The following BPHL variants were observed in gnomAD, a reference collection of about 807,000 sequenced individuals.
The protein encoded by BPHL is serine hydrolase BPHL.
Under a neutral mutation model 31.2 loss-of-function variants are expected in BPHL, and 27 were observed. The observed-to-expected ratio is 0.87, with a 90% CI of 0.64 to 1.19. The LOEUF is 1.19. BPHL is among the 50% of genes most tolerant of loss of function. The pLI, the probability that BPHL is intolerant of heterozygous loss-of-function variation, is 0.00. For missense variants in BPHL, 356 were observed against 375.7 expected, an observed-to-expected ratio of 0.95 and a Z score of 0.43; for synonymous variants, 150 against 146.8, an observed-to-expected ratio of 1.02 and a Z score of -0.16.
In BPHL at chr6:3,123,771, T is replaced by C. The variant is rs1761641576; in HGVS notation, c.211+11T>C. On this transcript the variant is annotated intron_variant, in intron 2 of 6. Coordinates refer to ENST00000380379, the MANE Select transcript of BPHL (RefSeq NM_004332.4). ...TTCCTGGGATGTTAGGTCTGGGTAC[T>C]TTTTAATGGAATGTTTTTGCATGCT... 1.9e-6 allele frequency: 3 copies of C among 1,600,622 alleles called. No individual in the cohort carries two copies. In the East Asian group the frequency reaches 6.7e-5, roughly 36 times the overall value.
chr6:3,123,808 GATGCATTCACA>G, intron 2 of BPHL, 48 bp downstream of exon 2: 1 of 1,481,388 alleles, frequency 6.8e-7, no homozygotes, highest in East Asian at 2.3e-5. Flanking sequence ...TAAAATCTAT[GATGCATTCACA>G]ATACTAGATG....
At chr6:3,118,878 C>G (rs1761469228) in intron 1 of BPHL, 31 bp downstream of exon 1, 2 of 1,231,564 alleles carry the variant, frequency 1.6e-6, no homozygotes, top group East Asian at 3.2e-5. Context: ...CCGGGGATCC[C>G]CAGCATCGGC....
intron 6 of BPHL, among the ~76,000 whole-genome samples, chr6:3,143,399 C>G (rs950239866): frequency 3.3e-5 from 5 of 152,200 alleles, no homozygotes; most frequent in Non-Finnish European, 7.3e-5. Context: ...GTTAATTTGT[C>G]TCTTTCTCTC....
chr6:3,123,605 A>G (rs1761632158), intron 1 of BPHL, 52 bp from the exon 2 acceptor site: 1 of 1,518,814 alleles, frequency 6.6e-7, no homozygotes, highest in South Asian at 1.2e-5. Flanking sequence ...TCAACTAAGA[A>G]ATCTTCCCAT....
In BPHL at chr6:3,152,684, C is replaced by T. The variant is rs1762558687; in HGVS notation, c.*109C>T. The T allele has an allele frequency of 1.1e-6, 1 of 943,464 alleles. No individual in the cohort carries two copies. The highest frequency in any genetic ancestry group is 1.6e-6 in the Non-Finnish European group (1 of 618,330). 58.4% of individuals were successfully genotyped at this position (943,464 alleles called of 1,614,324 possible). On this transcript the variant is annotated 3_prime_UTR_variant, in exon 7 of 7. Transcript: ENST00000380379. ...CCGCCTTTGAAACTTTCTACCCCTC[C>T]CTTCAATCTTATCCTAACCAAATGA...
At position 3,149,527 on chromosome 6, in the gene BPHL, C is replaced by T. The variant is rs1342220629; in HGVS notation, c.789-2961C>T. 6.6e-6 allele frequency among the ~76,000 whole-genome samples: 1 copy of T among 152,164 alleles called. No individual in the cohort carries two copies. Among genetic ancestry groups the T allele is most frequent in the African/African-American group, 2.4e-5 (1 of 41,418 alleles). ...TCAGTGAGCTGTCGCCCCCACCATC[C>T]CCAAATGCCTGGTCAGCCCTAACCA... On this transcript the variant is annotated intron_variant, in intron 6 of 6. Transcript: ENST00000380379. This position sits in a 1 kb window ranked among gnomAD's most constrained non-coding sequence, Gnocchi z 4.6.
At chr6:3,127,017 C>T (rs1249995086) in intron 2 of BPHL, 2 of 357,410 alleles carry the variant, frequency 5.6e-6, no homozygotes, top group Non-Finnish European at 1.0e-5. Flanking sequence ...GCAGTCCGCC[C>T]GCCTCGGCCT....
At chr6:3,127,508 C>A in intron 3 of BPHL, 100 bp downstream of exon 3, 4 of 1,041,768 alleles carry the variant, frequency 3.8e-6, no homozygotes, top group South Asian at 2.8e-5. Context: ...CAAAATAATA[C>A]CATGTGATTG....
intron 4 of BPHL, 121 bp downstream of exon 4, chr6:3,129,319 A>G (rs1761805205): frequency 3.2e-6 from 4 of 1,268,010 alleles, no homozygotes; most frequent in South Asian, 1.8e-5. Flanking sequence ...CTCAACTCTC[A>G]GGTAGGAAGA....
At position 3,120,913 on chromosome 6, in the gene BPHL, T is replaced by G. The variant is rs570199853; in HGVS notation, c.107+2066T>G. On this transcript the variant is annotated intron_variant, in intron 1 of 6. Transcript: ENST00000380379. ...GAGTGTGGCCCCGGTGCCTGAGCCC[T>G]CTTAGGACTCTGTTCAGCCATGAGG... Among the ~76,000 whole-genome samples the G allele has an allele frequency of 1.1e-4, 17 of 152,288 alleles. No homozygotes were observed. The South Asian group carries it at 3.5e-3, about 32-fold the overall frequency.
chr6:3,135,868 A>G (rs772753949), intron 4 of BPHL, among the ~76,000 whole-genome samples: 1 of 152,192 alleles, frequency 6.6e-6, no homozygotes, highest in Non-Finnish European at 1.5e-5. Flanking sequence ...GAAGATTTGC[A>G]TTTGTTGCTC....
At chr6:3,119,664 A>G in intron 1 of BPHL, 2 of 1,091,988 alleles carry the variant, frequency 1.8e-6, no homozygotes, top group Non-Finnish European at 2.7e-6. Flanking sequence ...ACACACATGC[A>G]AACACACGTA....
intron 4 of BPHL, among the ~76,000 whole-genome samples, chr6:3,132,134 A>ATC (rs1027352806): frequency 5.9e-5 from 9 of 151,916 alleles, no homozygotes; most frequent in Non-Finnish European, 7.4e-5. Context: ...TTTCTTTTTC[A>ATC]TCCCCCATCC....
Position 3,118,803 on chromosome 6 carries a change from G to T in BPHL, c.63G>T (p.Lys21Asn). ...TGCGGCTGCTTCTCTCAGCGCTGAA[G>T]CCCGGGATCCACGTCCCACGGGCCG... ...LRLRLLLSAL[K>N]PGIHVPRAGP... Residue 21 changes from lysine (K) to asparagine (N), a missense_variant, in exon 1 of 7, where the codon AAG (lysine) becomes AAT (asparagine). Physicochemically the swap from Lys to Asn is moderately conservative, Grantham distance 94. Coordinates refer to ENST00000380379, the MANE Select transcript of BPHL (RefSeq NM_004332.4). 8.0e-7 allele frequency: 1 copy of T among 1,246,012 alleles called. No homozygotes were observed. 77.2% of individuals were successfully genotyped at this position (1,246,012 alleles called of 1,614,324 possible). A position where few individuals can be genotyped will look rare whatever the true frequency, so the allele number is the denominator to read the frequency against.
chr6:3,136,631 G>A (rs1490780450), intron 4 of BPHL, among the ~76,000 whole-genome samples: 1 of 152,196 alleles, frequency 6.6e-6, no homozygotes, highest in African/African-American at 2.4e-5. Context: ...TGCCATTAGT[G>A]TTATATTTCT....
chr6:3,119,485 T>C, intron 1 of BPHL: 4 of 1,614,112 alleles, frequency 2.5e-6, no homozygotes, highest in Non-Finnish European at 3.4e-6. Context: ...TATTCTCTTT[T>C]GTCCTCCCAC....
intron 4 of BPHL, among the ~76,000 whole-genome samples, chr6:3,135,856 G>A (rs73718972): frequency 0.014 from 2,119 of 152,218 alleles, 38 homozygotes; most frequent in African/African-American, 0.048. Context: ...CTTTCCTTCC[G>A]GGAAGATTTG....
Position 3,138,121 on chromosome 6 carries a change from C to T in BPHL, c.664+628C>T, listed in dbSNP as rs566266698. The T allele has an allele frequency of 3.1e-5, 22 of 704,166 alleles. 1 individual carries two copies. The highest frequency in any genetic ancestry group is 2.2e-4 in the African/African-American group (12 of 53,894). 43.6% of individuals were successfully genotyped at this position (704,166 alleles called of 1,614,324 possible). A position where few individuals can be genotyped will look rare whatever the true frequency, so the allele number is the denominator to read the frequency against. ...GCAATCTCTGTCTCCTGGGTTCAAG[C>T]GATTGCTCTGCCTCAGCCTCCCAAG... On this transcript the variant is annotated intron_variant, in intron 5 of 6. Transcript: ENST00000380379.
intron 4 of BPHL, among the ~76,000 whole-genome samples, chr6:3,135,678 C>G (rs1762000325): frequency 6.6e-6 from 1 of 152,116 alleles, no homozygotes; most frequent in East Asian, 1.9e-4. Flanking sequence ...ATCGTCGTGT[C>G]TCTCTGCGTG....
Sources: gnomAD v4.1 joint callset for allele counts (sites outside exome capture counted in the v4.1 genomes callset) on GRCh38, gnomAD v4.1.1 for gene constraint, Gnocchi (gnomAD v3.1) non-coding constraint, MANE v1.5 for transcripts, NCBI Gene and HGNC (gene_info 2026-07-23, HGNC 2026-07-21) for gene names.